RARB: variants seen among roughly 807,000 people sequenced by gnomAD.
RARB encodes the protein HBV-activated protein.
RARB carries 17 observed loss-of-function variants against 51.9 expected under a neutral mutation model. The ratio of observed to expected loss-of-function variants is 0.33; its 90% CI spans 0.22 to 0.49. RARB has a LOEUF of 0.49. Among genes scored for constraint, RARB ranks in the 20% least tolerant of loss-of-function variants. RARB has a pLI of 0.99. For missense variants in RARB, 369 were observed against 550.8 expected (o/e 0.67, Z 3.30); for synonymous variants, 215 against 195.4 (o/e 1.10, Z -0.84).
At chr3:25,572,208 GAA>G (rs1700739478) in intron 4 of RARB, among the ~76,000 whole-genome samples, 1 of 152,164 alleles carries the variant, frequency 6.6e-6, no homozygotes, top group South Asian at 2.1e-4. Flanking sequence ...GTGAGAATGG[GAA>G]AAGCCTGGCG....
intron 3 of RARB, among the ~76,000 whole-genome samples, chr3:25,505,002 C>T (rs1213831635): frequency 6.6e-6 from 1 of 152,180 alleles, no homozygotes; most frequent in South Asian, 2.1e-4. Context: ...TGGTCTTGAA[C>T]TCCTGACCTC....
intron 5 of RARB, among the ~76,000 whole-genome samples, chr3:25,217,732 T>C (rs1328103213): frequency 3.3e-5 from 5 of 152,200 alleles, no homozygotes; most frequent in Non-Finnish European, 7.3e-5. Context: ...AATGTATTAA[T>C]TGAGAATGTG....
intron 5 of RARB, among the ~76,000 whole-genome samples, chr3:25,310,144 C>T (rs1704254315): frequency 6.6e-6 from 1 of 152,192 alleles, no homozygotes; most frequent in South Asian, 2.1e-4. Flanking sequence ...TGAAACCCTC[C>T]AGTGCTCTTT....
At chr3:24,982,268 C>G (rs948522450) in intron 2 of RARB, among the ~76,000 whole-genome samples, 1 of 152,186 alleles carries the variant, frequency 6.6e-6, no homozygotes, top group East Asian at 1.9e-4. Context: ...AACTCTGAAC[C>G]AGGTGGGCTA....
chr3:25,084,339 G>C (rs1436769371), intron 3 of RARB, among the ~76,000 whole-genome samples: 1 of 151,912 alleles, frequency 6.6e-6, no homozygotes, highest in Admixed American at 6.6e-5. Flanking sequence ...CAGATTTATA[G>C]TTCTTTAGAA....
intron 5 of RARB, among the ~76,000 whole-genome samples, chr3:25,393,778 T>G (rs772739427): frequency 6.6e-6 from 1 of 152,158 alleles, no homozygotes; most frequent in Non-Finnish European, 1.5e-5. Context: ...CATTTCTAAT[T>G]GAGCTTATTT....
intron 5 of RARB, among the ~76,000 whole-genome samples, chr3:25,272,313 A>G (rs941760691): frequency 7.9e-5 from 12 of 152,214 alleles, no homozygotes; most frequent in African/African-American, 2.9e-4. Context: ...TAGATATGCC[A>G]TGATCTCCTT....
chr3:25,485,776 C>A (rs988314078), intron 2 of RARB, among the ~76,000 whole-genome samples: 1 of 152,162 alleles, frequency 6.6e-6, no homozygotes, highest in East Asian at 1.9e-4. Flanking sequence ...GATCCTCTCT[C>A]ACTCTGGTTC....
chr3:25,185,897 A>G (rs570744179), intron 5 of RARB, among the ~76,000 whole-genome samples: 4 of 152,238 alleles, frequency 2.6e-5, no homozygotes, highest in South Asian at 4.1e-4. Context: ...TTATATATAA[A>G]TTGCTGCAAA....
chr3:24,978,848 T>G (rs889507543), intron 2 of RARB, among the ~76,000 whole-genome samples: 3 of 152,146 alleles, frequency 2.0e-5, no homozygotes, highest in African/African-American at 7.2e-5. Flanking sequence ...GATGTTAGGG[T>G]GTCTATTTTA....
rs538320872 is a variant in RARB at position 24,916,236 on chromosome 3, C to T, written c.-380+57484C>T. ...TTTGAGGGAAATATATATCATTTCC[C>T]TCCATTCTAGTCATAGGTACAAAAA... is the stretch of plus-strand genomic sequence containing the variant. On this transcript the variant is annotated intron_variant, in intron 2 of 11. Transcript: ENST00000383772. Among the ~76,000 whole-genome samples the T allele has an allele frequency of 5.9e-5, 9 of 152,174 alleles. 1 individual carries two copies. In the South Asian group the frequency reaches 1.9e-3, roughly 32 times the overall value.
chr3:25,344,104 A>T (rs1705315253), intron 5 of RARB, among the ~76,000 whole-genome samples: 1 of 152,152 alleles, frequency 6.6e-6, no homozygotes, highest in South Asian at 2.1e-4. Flanking sequence ...TCTTTAAATG[A>T]CTTGTGTCAC....
intron 2 of RARB, among the ~76,000 whole-genome samples, chr3:25,008,831 A>G (rs1697332180): frequency 6.6e-6 from 1 of 152,118 alleles, no homozygotes; most frequent in Non-Finnish European, 1.5e-5. Flanking sequence ...AATGCAGCCA[A>G]TGGCAAATAT....
chr3:25,297,363 C>A (rs760202402), intron 5 of RARB, among the ~76,000 whole-genome samples: 3 of 147,752 alleles, frequency 2.0e-5, no homozygotes, highest in Non-Finnish European at 4.5e-5. Flanking sequence ...CCTCCCTATT[C>A]CTGATGTTGC....
intron 5 of RARB, among the ~76,000 whole-genome samples, chr3:25,211,255 A>G (rs186443113): frequency 4.6e-4 from 70 of 152,368 alleles, no homozygotes; most frequent in Non-Finnish European, 1.5e-5. Flanking sequence ...ACAGAATCCT[A>G]AAAGTGAACT....
At chr3:25,429,246 T>C (rs914822519) in intron 1 of RARB, among the ~76,000 whole-genome samples, 3 of 152,228 alleles carry the variant, frequency 2.0e-5, no homozygotes, top group Admixed American at 1.3e-4. Context: ...TTGCAGTTTT[T>C]ACTAAAATGT....
intron 5 of RARB, among the ~76,000 whole-genome samples, chr3:25,302,739 G>T (rs1157489762): frequency 2.6e-5 from 4 of 152,192 alleles, no homozygotes; most frequent in African/African-American, 4.8e-5. Flanking sequence ...TACTATGAAA[G>T]GGTGAATTTT....
intron 4 of RARB, among the ~76,000 whole-genome samples, chr3:25,579,211 G>T (rs1363115935): frequency 2.6e-5 from 4 of 152,066 alleles, no homozygotes; most frequent in Admixed American, 6.6e-5. Flanking sequence ...CTTAAGTCAG[G>T]TTTATTGCAG....
chr3:25,217,683 A>G (rs558446599), intron 5 of RARB, among the ~76,000 whole-genome samples: 1 of 152,284 alleles, frequency 6.6e-6, no homozygotes, highest in Admixed American at 6.5e-5. Context: ...TCATCTGTGA[A>G]ACTGAAAGTA....
Sources: gnomAD v4.1 joint callset for allele counts (sites outside exome capture counted in the v4.1 genomes callset) on GRCh38, gnomAD v4.1.1 for gene constraint, MANE v1.5 for transcripts, NCBI Gene and HGNC (gene_info 2026-07-23, HGNC 2026-07-21) for gene names.